Variants in IQCH observed in about 807,000 individuals in gnomAD.
IQCH encodes IQ domain-containing protein H.
IQCH carries 98 observed loss-of-function variants against 117.0 expected under a neutral mutation model. That is an observed-to-expected ratio of 0.84 (90% CI 0.71 to 0.99). The LOEUF (loss-of-function observed/expected upper bound fraction) is 0.99, where lower values mean the gene tolerates loss of function less well. Ranked by LOEUF, IQCH falls within the 50% of genes least tolerant of loss-of-function variation. IQCH has a pLI of 0.00. For synonymous variants in IQCH, 412 were observed against 448.2 expected, an observed-to-expected ratio of 0.92 and a Z score of 1.02; for missense variants, 1,102 against 1,243.8, an observed-to-expected ratio of 0.89 and a Z score of 1.72.
intron 14 of IQCH, among the ~76,000 whole-genome samples, chr15:67,400,652 ATTTTTCT>A (rs1243528971): frequency 4.1e-5 from 6 of 147,782 alleles, no homozygotes; most frequent in African/African-American, 1.5e-4. Context: ...GCCTGGCTAA[ATTTTTCT>A]TTTTTCTTTT....
At chr15:67,327,270 ACCATAG>A (rs2140625097) in intron 4 of IQCH, among the ~76,000 whole-genome samples, 1 of 152,304 alleles carries the variant, frequency 6.6e-6, no homozygotes, top group Non-Finnish European at 1.5e-5. Flanking sequence ...TTTGTGAATC[ACCATAG>A]CTTAAGTGTT....
intron 6 of IQCH, among the ~76,000 whole-genome samples, chr15:67,352,408 C>T (rs1969702164): frequency 6.6e-6 from 1 of 151,922 alleles, no homozygotes; most frequent in Non-Finnish European, 1.5e-5. Flanking sequence ...CTCTTCATTC[C>T]TTGTTGCATC....
chr15:67,395,487 C>A lies in IQCH; in HGVS notation c.1829C>A (p.Ser610Tyr). ...PELAHLYSTK[S>Y]GGKRVFDSAN... Reference sequence around the variant, plus strand: ...CTAGCTCATCTTTATAGTACCAAATCTGGAGGCAAACGTGTCTTTGACAGT... The same window carrying A: ...CTAGCTCATCTTTATAGTACCAAATATGGAGGCAAACGTGTCTTTGACAGT... The change falls in exon 13 of 21, where the codon TCT becomes TAT. Residue 610 changes from serine to tyrosine, a missense_variant. This residue lies in a region of IQCH where 650 missense variants were observed against 794.3 expected (regional missense o/e 0.82). Transcript: ENST00000335894. The surrounding 1 kb of genome is among the most constrained non-coding windows in gnomAD (Gnocchi z 4.0). 1 of 1,614,056 alleles carries A rather than the reference C, an allele frequency of 6.2e-7. No homozygotes were observed. The highest frequency in any genetic ancestry group is 8.5e-7 in the Non-Finnish European group (1 of 1,179,970).
chr15:67,424,174 A>G lies in IQCH; in HGVS notation c.2505+2597A>G, dbSNP rs183615450. Among the ~76,000 whole-genome samples, 1 of 152,006 alleles carries G rather than the reference A, an allele frequency of 6.6e-6. No homozygotes were observed. Among genetic ancestry groups the G allele is most frequent in the Non-Finnish European group, 1.5e-5 (1 of 68,004 alleles). On this transcript the variant is annotated intron_variant, in intron 16 of 20. Transcript: ENST00000335894. The surrounding 1 kb of genome is among the most constrained non-coding windows in gnomAD (Gnocchi z 4.9). ...CTCTGTTTTGTTCTGGTCCATCCAC[A>G]CACCCTGTCTCATTCCCTCTTACTC... is the stretch of plus-strand genomic sequence containing the variant.
chr15:67,286,579 G>GGCTT (rs1966568568), intron 4 of IQCH, among the ~76,000 whole-genome samples: 1 of 134,756 alleles, frequency 7.4e-6, no homozygotes, highest in Admixed American at 8.2e-5. Flanking sequence ...TGTCATATAT[G>GGCTT]GCTTTTATTT....
intron 18 of IQCH, among the ~76,000 whole-genome samples, chr15:67,488,745 G>A (rs550510260): frequency 1.5e-4 from 23 of 152,302 alleles, no homozygotes; most frequent in South Asian, 1.0e-3. Flanking sequence ...TAAGGAGCAT[G>A]CAACCTAGAT....
chr15:67,329,555 T>G (rs1233016351), intron 4 of IQCH, among the ~76,000 whole-genome samples: 2 of 152,124 alleles, frequency 1.3e-5, no homozygotes, highest in Non-Finnish European at 1.5e-5. Context: ...CACTGTAGCC[T>G]TAAACTCCTG....
At chr15:67,455,892 T>G (rs949367829) in intron 16 of IQCH, among the ~76,000 whole-genome samples, 1 of 152,224 alleles carries the variant, frequency 6.6e-6, no homozygotes, top group African/African-American at 2.4e-5. Flanking sequence ...AAACCTGAAA[T>G]AGCTTATAAA....
At position 67,406,141 on chromosome 15, in the gene IQCH, C is replaced by A. The variant is rs1971893074; in HGVS notation, c.2097+5836C>A. The A allele has an allele frequency of 6.6e-6, 1 of 152,236 alleles. No homozygotes were observed. The allele number at this position is 152,236 out of a possible 1,614,324, so 9.4% of individuals were successfully genotyped here. On this transcript the variant is annotated intron_variant, in intron 14 of 20. Coordinates refer to ENST00000335894, the MANE Select transcript of IQCH (RefSeq NM_001031715.3). The surrounding 1 kb of genome is among the most constrained non-coding windows in gnomAD (Gnocchi z 4.5). ...TCTCAATTTAATACACTATCGTGAT[C>A]ATTTTAGTGAGCCTGTAAATTCCCA...
intron 10 of IQCH, chr15:67,373,744 A>G: frequency 2.2e-6 from 1 of 448,238 alleles, no homozygotes; most frequent in Non-Finnish European, 4.0e-6. Flanking sequence ...AATGTTTTCG[A>G]TCTTCTTTAA....
intron 4 of IQCH, among the ~76,000 whole-genome samples, chr15:67,281,323 G>A (rs928455243): frequency 1.1e-4 from 16 of 152,124 alleles, no homozygotes; most frequent in African/African-American, 3.6e-4. Flanking sequence ...AGGAGAAAAG[G>A]CATACAAGTT....
intron 16 of IQCH, among the ~76,000 whole-genome samples, chr15:67,428,280 T>C (rs1186233654): frequency 6.6e-6 from 1 of 152,180 alleles, no homozygotes; most frequent in Non-Finnish European, 1.5e-5. Context: ...ATATGCAATA[T>C]GATAATTTTA....
rs2082658934 is a variant in IQCH at position 67,456,440 on chromosome 15, C to T, written c.2506-8687C>T. Among the ~76,000 whole-genome samples, 1 of 152,092 alleles carries T rather than the reference C, an allele frequency of 6.6e-6. No homozygotes were observed. The highest frequency in any genetic ancestry group is 1.5e-5 in the Non-Finnish European group (1 of 68,020). On this transcript the variant is annotated intron_variant, in intron 16 of 20. Transcript: ENST00000335894. This position sits in a 1 kb window ranked among gnomAD's most constrained non-coding sequence, Gnocchi z 5.1. ...AGTCATTTCACCCTCAGAGTCCTCA[C>T]CCATAAAATGAAGAGATGAGAAGGA...
rs1971919155 is a variant in IQCH, at chr15:67,406,655, CT to C, written c.2097+6351del. On this transcript the variant is annotated intron_variant, in intron 14 of 20. Transcript: ENST00000335894. The surrounding 1 kb of genome is among the most constrained non-coding windows in gnomAD (Gnocchi z 4.5). ...TAAGCAGAATGAGTGTTGGAACAGG[CT>C]AGTCATTCAGGGTAACTAAGAGGTA... is the stretch of plus-strand genomic sequence containing the variant. The C allele has an allele frequency of 6.6e-6, 1 of 152,172 alleles. No homozygotes were observed. The highest frequency in any genetic ancestry group is 1.5e-5 in the Non-Finnish European group (1 of 68,026). The allele number at this position is 152,172 out of a possible 1,614,324, so 9.4% of individuals were successfully genotyped here. A position where few individuals can be genotyped will look rare whatever the true frequency, so the allele number is the denominator to read the frequency against.
At position 67,340,447 on chromosome 15, in the gene IQCH, A is replaced by C. The variant is rs1021285154; in HGVS notation, c.508+3352A>C. On this transcript the variant is annotated intron_variant, in intron 5 of 20. Transcript: ENST00000335894. ...ATCTCAAAAAAAAAAAAAAAAAAAA[A>C]AAAAAAAAAAAAAAAAACAGTAACT... Among the ~76,000 whole-genome samples, 346 of 146,380 alleles carry C rather than the reference A, an allele frequency of 2.4e-3. 2 individuals are homozygous for C. Among genetic ancestry groups the C allele is most frequent in the Middle Eastern group, 7.0e-3 (2 of 286 alleles).
chr15:67,433,135 G>A lies in IQCH; in HGVS notation c.2505+11558G>A, dbSNP rs77952360. Among the ~76,000 whole-genome samples the A allele has an allele frequency of 8.3e-3, 1,264 of 152,216 alleles. 15 individuals are homozygous for A. The highest frequency in any genetic ancestry group is 0.029 in the African/African-American group (1,209 of 41,540). On this transcript the variant is annotated intron_variant, in intron 16 of 20. Transcript: ENST00000335894. This position sits in a 1 kb window ranked among gnomAD's most constrained non-coding sequence, Gnocchi z 5.4. ...AATCACAAGTTAATGCCTAGTGAAGGGAAAATACATCCCAAAGGACTTGGA... is the reference window on the plus strand; with the variant it reads ...AATCACAAGTTAATGCCTAGTGAAGAGAAAATACATCCCAAAGGACTTGGA...
intron 8 of IQCH, chr15:67,371,505 G>GT (rs1451585792): frequency 1.3e-6 from 2 of 1,592,758 alleles, no homozygotes; most frequent in Non-Finnish European, 1.7e-6. Flanking sequence ...AAAAGAACAC[G>GT]TGTCAAGAGA....
chr15:67,414,600 TG>T, intron 14 of IQCH, among the ~76,000 whole-genome samples: 1 of 151,368 alleles, frequency 6.6e-6, no homozygotes, highest in Non-Finnish European at 1.5e-5. Context: ...AAGATTTACG[TG>T]GCAAGGGTTT....
At chr15:67,258,897 T>C (rs1965343704) in intron 1 of IQCH, among the ~76,000 whole-genome samples, 1 of 152,354 alleles carries the variant, frequency 6.6e-6, no homozygotes, top group East Asian at 1.9e-4. Flanking sequence ...CCAAGTCTGG[T>C]TAACTTTTTC....
Sources: allele counts gnomAD v4.1 joint callset (sites outside exome capture counted in the v4.1 genomes callset), GRCh38; gene constraint gnomAD v4.1.1; regional missense constraint gnomAD v4.1.1; non-coding constraint Gnocchi (gnomAD v3.1); transcripts MANE v1.5; gene names NCBI Gene and HGNC (gene_info 2026-07-23, HGNC 2026-07-21).